Variants in GRIP1 observed in about 807,000 individuals in gnomAD.
The protein encoded by GRIP1 is glutamate receptor interacting protein 1.
GRIP1 carries 45 observed loss-of-function variants against 129.9 expected under a neutral mutation model. The observed-to-expected ratio is 0.35, with a 90% CI of 0.27 to 0.44. GRIP1 has a LOEUF of 0.44. GRIP1 is among the 20% of genes least tolerant of loss of function. GRIP1 has a pLI of 1.00. For synonymous variants in GRIP1, 530 were observed against 520.8 expected, an observed-to-expected ratio of 1.02 and a Z score of -0.24; for missense variants, 1,196 against 1,396.8, an observed-to-expected ratio of 0.86 and a Z score of 2.29.
chr12:66,888,374 T>C (rs2040601251), intron 1 of GRIP1, among the ~76,000 whole-genome samples: 1 of 152,100 alleles, frequency 6.6e-6, no homozygotes, highest in Non-Finnish European at 1.5e-5. Flanking sequence ...AACTGACTTT[T>C]ATTAAGATAG....
chr12:66,588,431 A>G (rs913507347), intron 2 of GRIP1, among the ~76,000 whole-genome samples: 2 of 152,048 alleles, frequency 1.3e-5, no homozygotes, highest in Non-Finnish European at 2.9e-5. Context: ...ACTTGGATGG[A>G]CAGAGATCAC....
intron 1 of GRIP1, chr12:66,647,295 A>G (rs1448656540): frequency 6.6e-6 from 1 of 152,268 alleles, no homozygotes; most frequent in Non-Finnish European, 1.5e-5. Flanking sequence ...ATATACACAT[A>G]AGTACCAAAG....
At chr12:66,506,246 A>C (rs2060523342) in intron 7 of GRIP1, among the ~76,000 whole-genome samples, 2 of 152,360 alleles carry the variant, frequency 1.3e-5, no homozygotes, top group South Asian at 4.1e-4. Flanking sequence ...TAGAATGTTC[A>C]CAATAGTATT....
At chr12:67,015,913 T>C (rs1249698081) in intron 1 of GRIP1, among the ~76,000 whole-genome samples, 1 of 152,196 alleles carries the variant, frequency 6.6e-6, no homozygotes, top group East Asian at 1.9e-4. Context: ...CCCTGCTGGT[T>C]AATGACAAGT....
At chr12:66,613,173 G>C (rs966829286) in intron 1 of GRIP1, among the ~76,000 whole-genome samples, 2 of 152,104 alleles carry the variant, frequency 1.3e-5, no homozygotes, top group Admixed American at 6.6e-5. Flanking sequence ...CATCAGGTGG[G>C]CACATGCCAA....
At chr12:66,488,913 T>G (rs1461291696) in intron 7 of GRIP1, among the ~76,000 whole-genome samples, 1 of 152,130 alleles carries the variant, frequency 6.6e-6, no homozygotes, top group Admixed American at 6.6e-5. Context: ...CTACTAAGAC[T>G]GAACCAGGAA....
intron 2 of GRIP1, among the ~76,000 whole-genome samples, chr12:66,548,986 C>G (rs952828346): frequency 1.3e-5 from 2 of 152,166 alleles, no homozygotes; most frequent in African/African-American, 2.4e-5. Flanking sequence ...TTCAGCAAAA[C>G]AGGCGAAGCT....
chr12:66,669,189 G>T (rs536793281), intron 1 of GRIP1, among the ~76,000 whole-genome samples: 1 of 152,226 alleles, frequency 6.6e-6, no homozygotes. Context: ...AAGGTGGGCA[G>T]ATCACTTGGG....
At chr12:66,362,896 G>A (rs1364935798) in intron 23 of GRIP1, among the ~76,000 whole-genome samples, 2 of 151,658 alleles carry the variant, frequency 1.3e-5, no homozygotes, top group Admixed American at 6.6e-5. Context: ...CTCTGCAAAC[G>A]TGGATGGCAA....
At chr12:67,023,811 A>G (rs2042901919) in intron 1 of GRIP1, among the ~76,000 whole-genome samples, 1 of 152,088 alleles carries the variant, frequency 6.6e-6, no homozygotes, top group African/African-American at 2.4e-5. Flanking sequence ...CTAGAGGGTA[A>G]GCTCAAACCA....
chr12:66,444,576 G>A lies in GRIP1; in HGVS notation c.1687+8C>T, dbSNP rs2058568754. ...ATGCAGTCCACTCCTGAGATGATATGATTATACCTGCAACATCAAACTCGA... is the reference window on the plus strand; with the variant it reads ...ATGCAGTCCACTCCTGAGATGATATAATTATACCTGCAACATCAAACTCGA... On this transcript the variant is annotated splice_region_variant and intron_variant, in intron 13 of 24. Transcript: ENST00000359742. 6.3e-7 allele frequency: 1 copy of A among 1,598,864 alleles called. No homozygotes were observed.
chr12:66,683,793 G>A (rs1565965667), upstream of GRIP1, among the ~76,000 whole-genome samples: 1 of 152,210 alleles, frequency 6.6e-6, no homozygotes. Context: ...TCAGCTAAAA[G>A]CATCTGGTGG....
intron 7 of GRIP1, among the ~76,000 whole-genome samples, chr12:66,484,415 A>C (rs542913031): frequency 6.6e-6 from 1 of 152,214 alleles, no homozygotes; most frequent in African/African-American, 2.4e-5. Context: ...ACAATGGCCA[A>C]GATGTGAAAT....
At chr12:67,068,955 G>T in intron 1 of GRIP1, 1 of 489,698 alleles carries the variant, frequency 2.0e-6, no homozygotes, top group Non-Finnish European at 2.6e-6. Flanking sequence ...CCGTCGGCGG[G>T]TGGACGGGTC....
chr12:66,960,857 C>T (rs542077802), intron 1 of GRIP1, among the ~76,000 whole-genome samples: 9 of 152,194 alleles, frequency 5.9e-5, no homozygotes, highest in African/African-American at 9.6e-5. Context: ...AAATGAAACG[C>T]GAGCTTTTAG....
intron 1 of GRIP1, among the ~76,000 whole-genome samples, chr12:66,625,556 A>G (rs1455739502): frequency 6.6e-6 from 1 of 152,142 alleles, no homozygotes; most frequent in Non-Finnish European, 1.5e-5. Context: ...GTGATTTTTT[A>G]TTGTAATTGC....
chr12:66,429,522 C>T (rs7312836), intron 14 of GRIP1, among the ~76,000 whole-genome samples: 72,113 of 151,734 alleles, frequency 0.48, 20,542 homozygotes, highest in Non-Finnish European at 0.63. Context: ...CACAGTGAGA[C>T]TTTATCTCTA....
At chr12:66,813,998 A>G (rs2039155723) in intron 1 of GRIP1, among the ~76,000 whole-genome samples, 1 of 152,178 alleles carries the variant, frequency 6.6e-6, no homozygotes, top group Non-Finnish European at 1.5e-5. Flanking sequence ...TGGAAGGATA[A>G]TACTGTGATA....
chr12:66,372,989 G>A (rs1235082027), intron 22 of GRIP1, among the ~76,000 whole-genome samples: 1 of 152,152 alleles, frequency 6.6e-6, no homozygotes, highest in Non-Finnish European at 1.5e-5. Context: ...AAAAGTAACC[G>A]CAGCTTAACT....
Sources: gnomAD v4.1 joint callset for allele counts (sites outside exome capture counted in the v4.1 genomes callset) on GRCh38, gnomAD v4.1.1 for gene constraint, MANE v1.5 for transcripts, NCBI Gene and HGNC (gene_info 2026-07-23, HGNC 2026-07-21) for gene names.